The following CNTNAP4 variants were observed in gnomAD, a reference collection of about 807,000 sequenced individuals.
The protein encoded by CNTNAP4 is contactin-associated protein-like 4.
Under a neutral mutation model 148.4 loss-of-function variants are expected in CNTNAP4, and 98 were observed. That is an observed-to-expected ratio of 0.66 (90% CI 0.56 to 0.78). The LOEUF is 0.78. Among genes scored for constraint, CNTNAP4 ranks in the 30% least tolerant of loss-of-function variants. The pLI is 0.00. For synonymous variants in CNTNAP4, 730 were observed against 565.1 expected (o/e 1.29, Z -4.14); for missense variants, 1,935 against 1,565.6 (o/e 1.24, Z -3.98).
chr16:76,427,490 C>T lies in CNTNAP4; in HGVS notation c.429C>T (p.Tyr143=), dbSNP rs1455050996. The T allele has an allele frequency of 6.2e-7, 1 of 1,612,938 alleles. No homozygotes were observed. The highest frequency in any genetic ancestry group is 8.5e-7 in the Non-Finnish European group (1 of 1,179,356). The change falls in exon 4 of 24, where the codon TAC becomes TAT. Residue 143 remains tyrosine (Y), a synonymous_variant. Coordinates refer to ENST00000611870, the MANE Select transcript of CNTNAP4 (RefSeq NM_033401.5). The part of the protein sequence containing the change: ...SGNANADSVV[Y]YRLQPSIKAR... ...ATGCAAATGCAGACAGTGTTGTGTA[C>T]TATAGACTCCAGCCTTCTATCAAAG...
chr16:76,358,165 C>A (rs540537809), intron 3 of CNTNAP4, among the ~76,000 whole-genome samples: 86 of 152,120 alleles, frequency 5.7e-4, no homozygotes, highest in Non-Finnish European at 1.1e-3. Flanking sequence ...GAAACCTGGT[C>A]GCTACTAAAA....
At chr16:76,343,613 G>A (rs115549608) in intron 2 of CNTNAP4, among the ~76,000 whole-genome samples, 2,377 of 152,232 alleles carry the variant, frequency 0.016, 78 homozygotes, top group African/African-American at 0.055. Context: ...GTTAAAATCA[G>A]ATTAATAAAT....
chr16:76,450,351 T>C (rs12921146), intron 7 of CNTNAP4, among the ~76,000 whole-genome samples: 3,505 of 152,244 alleles, frequency 0.023, 41 homozygotes, highest in South Asian at 0.054. Flanking sequence ...GGTTTTGCCA[T>C]GTTAGCCAGG....
intron 2 of CNTNAP4, among the ~76,000 whole-genome samples, chr16:76,333,136 T>C (rs1963688289): frequency 2.0e-5 from 3 of 152,202 alleles, no homozygotes; most frequent in Admixed American, 1.3e-4. Flanking sequence ...GGTGGTCTTG[T>C]CACCTAGAAA....
chr16:76,392,229 A>C (rs370115428), intron 3 of CNTNAP4, among the ~76,000 whole-genome samples: 1 of 152,162 alleles, frequency 6.6e-6, no homozygotes, highest in African/African-American at 2.4e-5. Context: ...CCTGACCTCA[A>C]GTGATCTGCC....
rs1188500527 is a variant in CNTNAP4 at position 76,511,704 on chromosome 16, CT to C, written c.2366-9431del. ...TTTTGTATGCCCTCTTTCTCTTCCT[CT>C]TTTTCTTCTTCCTCCTCTTCTCTTG... On this transcript the variant is annotated intron_variant, in intron 15 of 23. Coordinates refer to ENST00000611870, the MANE Select transcript of CNTNAP4 (RefSeq NM_033401.5). Among the ~76,000 whole-genome samples, 7 of 152,178 alleles carry C rather than the reference CT, an allele frequency of 4.6e-5. No homozygotes were observed. The East Asian group carries it at 1.4e-3, about 29-fold the overall frequency.
intron 6 of CNTNAP4, 36 bp from the exon 7 acceptor site, chr16:76,449,679 C>G (rs1260245724): frequency 1.3e-6 from 2 of 1,507,674 alleles, no homozygotes; most frequent in Non-Finnish European, 1.8e-6. Flanking sequence ...TAGAAAATCA[C>G]TAAACAATAT....
intron 1 of CNTNAP4, among the ~76,000 whole-genome samples, chr16:76,307,337 G>T (rs892525228): frequency 4.0e-5 from 6 of 151,596 alleles, no homozygotes; most frequent in African/African-American, 1.5e-4. Context: ...ACTACAATTT[G>T]TTCACTTAGT....
At chr16:76,497,833 A>C (rs982246358) in intron 14 of CNTNAP4, among the ~76,000 whole-genome samples, 6 of 152,150 alleles carry the variant, frequency 3.9e-5, no homozygotes, top group African/African-American at 1.4e-4. Context: ...CCTAGAACTT[A>C]AAGTATAATA....
chr16:76,397,787 G>C lies in CNTNAP4; in HGVS notation c.391-29665G>C, dbSNP rs1037958226. 2.6e-5 allele frequency among the ~76,000 whole-genome samples: 3 copies of C among 117,462 alleles called. No homozygotes were observed. The East Asian group carries it at 6.5e-4, about 25-fold the overall frequency. The allele number at this position is 117,462 out of a possible 152,430, so 77.1% of individuals were successfully genotyped here. A position where few individuals can be genotyped will look rare whatever the true frequency, so the allele number is the denominator to read the frequency against. The stretch of plus-strand genomic sequence containing the variant: ...AATTGTAGCATTATAAGCTTTATGT[G>C]TGCATGTGTTTGTGTGTGTGTGTGT... On this transcript the variant is annotated intron_variant, in intron 3 of 23. Coordinates refer to ENST00000611870, the MANE Select transcript of CNTNAP4 (RefSeq NM_033401.5).
chr16:76,354,692 C>T (rs527721738), intron 2 of CNTNAP4, among the ~76,000 whole-genome samples: 17 of 152,316 alleles, frequency 1.1e-4, no homozygotes, highest in Admixed American at 1.1e-3. Context: ...TGGGAACAAG[C>T]TCCAACCCAC....
intron 10 of CNTNAP4, among the ~76,000 whole-genome samples, chr16:76,473,496 A>G (rs2081443870): frequency 6.6e-6 from 1 of 152,162 alleles, no homozygotes; most frequent in African/African-American, 2.4e-5. Context: ...CTTTGTTTTA[A>G]TAAAGGAGAT....
chr16:76,293,401 A>G (rs1442250296), intron 1 of CNTNAP4, among the ~76,000 whole-genome samples: 3 of 152,292 alleles, frequency 2.0e-5, no homozygotes, highest in Middle Eastern at 3.4e-3. Flanking sequence ...CATTTGCTCT[A>G]TCAAACAAAG....
chr16:76,461,666 C>T (rs1053440659), intron 8 of CNTNAP4, among the ~76,000 whole-genome samples: 1 of 152,072 alleles, frequency 6.6e-6, no homozygotes, highest in African/African-American at 2.4e-5. Context: ...AACCCTTCCT[C>T]CCTAAGAAGG....
At chr16:76,321,453 A>C (rs1445374370) in intron 2 of CNTNAP4, among the ~76,000 whole-genome samples, 1 of 152,158 alleles carries the variant, frequency 6.6e-6, no homozygotes, top group Non-Finnish European at 1.5e-5. Flanking sequence ...GTGCTTTTTT[A>C]TGAGTTGGAT....
chr16:76,510,520 G>A (rs1015186312), intron 15 of CNTNAP4, among the ~76,000 whole-genome samples: 1 of 151,824 alleles, frequency 6.6e-6, no homozygotes, highest in African/African-American at 2.4e-5. Flanking sequence ...GTACCTAGGA[G>A]TAGAATTTCC....
At chr16:76,419,790 C>T (rs2079115402) in intron 3 of CNTNAP4, among the ~76,000 whole-genome samples, 1 of 152,134 alleles carries the variant, frequency 6.6e-6, no homozygotes, top group Non-Finnish European at 1.5e-5. Context: ...CTACCCAATT[C>T]ACTTCTTGGT....
intron 3 of CNTNAP4, among the ~76,000 whole-genome samples, chr16:76,380,945 C>G (rs781160857): frequency 6.6e-6 from 1 of 152,170 alleles, no homozygotes; most frequent in Non-Finnish European, 1.5e-5. Context: ...TGTCTATCAT[C>G]TTAGGATTAT....
At chr16:76,300,025 A>T (rs1194802389) in intron 1 of CNTNAP4, among the ~76,000 whole-genome samples, 1 of 152,040 alleles carries the variant, frequency 6.6e-6, no homozygotes, top group African/African-American at 2.4e-5. Flanking sequence ...GGATAGCATT[A>T]GGAGATATGC....
Sources: gnomAD v4.1 joint callset for allele counts (sites outside exome capture counted in the v4.1 genomes callset) on GRCh38, gnomAD v4.1.1 for gene constraint, MANE v1.5 for transcripts, NCBI Gene and HGNC (gene_info 2026-07-23, HGNC 2026-07-21) for gene names.